Variants in PLCB1 observed in about 807,000 individuals in gnomAD.
PLCB1 encodes the protein 1-phosphatidylinositol 4,5-bisphosphate phosphodiesterase beta-1.
A neutral mutation model predicts 161.8 loss-of-function variants in PLCB1; 46 were observed. That is an observed-to-expected ratio of 0.28 (90% CI 0.22 to 0.36). The LOEUF is 0.36. Among genes scored for constraint, PLCB1 ranks in the 10% least tolerant of loss-of-function variants. PLCB1 has a pLI of 1.00. For synonymous variants in PLCB1, 517 were observed against 503.7 expected (o/e 1.03, Z -0.35); for missense variants, 1,016 against 1,472.5 (o/e 0.69, Z 5.07).
chr20:8,580,213 C>G (rs1261309821), intron 3 of PLCB1, among the ~76,000 whole-genome samples: 1 of 152,072 alleles, frequency 6.6e-6, no homozygotes, highest in Non-Finnish European at 1.5e-5. Flanking sequence ...CCCCACATGT[C>G]AAAGCATCAA....
At chr20:8,754,887 A>AC (rs1403550511) in intron 23 of PLCB1, among the ~76,000 whole-genome samples, 1 of 152,222 alleles carries the variant, frequency 6.6e-6, no homozygotes, top group Non-Finnish European at 1.5e-5. Context: ...TCCAGTTTGC[A>AC]ATGTCTTGCT....
chr20:8,733,429 A>G, intron 19 of PLCB1, 37 bp downstream of exon 19: 5 of 1,574,728 alleles, frequency 3.2e-6, no homozygotes, highest in Non-Finnish European at 4.4e-6. Context: ...TCCTAACAAT[A>G]GTGTTGAATT....
chr20:8,781,397 AACACAC>A (rs765968512), intron 27 of PLCB1, among the ~76,000 whole-genome samples: 1 of 149,540 alleles, frequency 6.7e-6, no homozygotes, highest in East Asian at 2.0e-4. Flanking sequence ...CACACACACA[AACACAC>A]ACACACACAC....
chr20:8,354,633 A>G (rs1283965555), intron 2 of PLCB1, among the ~76,000 whole-genome samples: 1 of 152,214 alleles, frequency 6.6e-6, no homozygotes, highest in Non-Finnish European at 1.5e-5. Flanking sequence ...AGGCTCTGAT[A>G]CACTTTGGCC....
chr20:8,464,858 A>C (rs1158508652), intron 3 of PLCB1, among the ~76,000 whole-genome samples: 1 of 142,758 alleles, frequency 7.0e-6, no homozygotes, highest in South Asian at 2.2e-4. Flanking sequence ...ACATCCACCC[A>C]CTCCCCTCAG....
intron 11 of PLCB1, among the ~76,000 whole-genome samples, chr20:8,702,478 AT>A (rs748360641): frequency 1.3e-5 from 2 of 152,198 alleles, no homozygotes; most frequent in African/African-American, 4.8e-5. Flanking sequence ...TAAATCCAGC[AT>A]TTCTGAAAAT....
At chr20:8,513,598 C>A (rs1322171059) in intron 3 of PLCB1, among the ~76,000 whole-genome samples, 2 of 152,168 alleles carry the variant, frequency 1.3e-5, no homozygotes, top group African/African-American at 2.4e-5. Flanking sequence ...AGAATTCTGT[C>A]CCCCCTGCCA....
chr20:8,710,916 GCCACCA>G (rs1367905796), intron 12 of PLCB1, among the ~76,000 whole-genome samples: 4 of 151,964 alleles, frequency 2.6e-5, no homozygotes, highest in Admixed American at 2.6e-4. Context: ...AATATCAACC[GCCACCA>G]CCACCACCAA....
At chr20:8,629,877 C>CTTTCTTTCTTTCTTTCTT (rs1159340046) in intron 4 of PLCB1, among the ~76,000 whole-genome samples, 2 of 64,404 alleles carry the variant, frequency 3.1e-5, no homozygotes, top group Admixed American at 2.1e-4. Flanking sequence ...TTCTTTCTTT[C>CTTTCTTTCTTTCTTTCTT]TCTCTCTCTT....
At chr20:8,385,626 G>A (rs987817823) in intron 3 of PLCB1, among the ~76,000 whole-genome samples, 2 of 152,252 alleles carry the variant, frequency 1.3e-5, no homozygotes, top group Non-Finnish European at 2.9e-5. Flanking sequence ...CTGGGGTTGG[G>A]ACCCTAGGCC....
chr20:8,147,163 G>A (rs1418787899), intron 1 of PLCB1, among the ~76,000 whole-genome samples: 1 of 152,128 alleles, frequency 6.6e-6, no homozygotes, highest in East Asian at 1.9e-4. Context: ...ATCACCATGA[G>A]CTTCTTAGAA....
intron 3 of PLCB1, among the ~76,000 whole-genome samples, chr20:8,530,277 C>G (rs1984752103): frequency 6.6e-6 from 1 of 151,964 alleles, no homozygotes; most frequent in Admixed American, 6.6e-5. Context: ...TTTTTAAATG[C>G]CTAAATTGGA....
At position 8,386,462 on chromosome 20, in the gene PLCB1, G is replaced by A. The variant is rs150498603; in HGVS notation, c.246+15012G>A. On this transcript the variant is annotated intron_variant, in intron 3 of 31. Coordinates refer to ENST00000338037, the MANE Select transcript of PLCB1 (RefSeq NM_015192.4). ...CCTTTCTCAGCATTAGGTCTCAACA[G>A]TAAGCTTAAGGTATTTAGTACACCA... Among the ~76,000 whole-genome samples the A allele has an allele frequency of 4.9e-4, 74 of 152,324 alleles. 1 individual carries two copies. In the East Asian group the frequency reaches 0.012, roughly 24 times the overall value.
intron 25 of PLCB1, among the ~76,000 whole-genome samples, 181 bp from the exon 26 acceptor site, chr20:8,764,958 A>T (rs575505549): frequency 4.6e-5 from 7 of 152,330 alleles, no homozygotes; most frequent in Admixed American, 4.6e-4. Flanking sequence ...TTAGTAACAT[A>T]GTCTCAAAGT....
intron 4 of PLCB1, among the ~76,000 whole-genome samples, chr20:8,632,057 T>G (rs1342756641): frequency 3.9e-5 from 5 of 129,546 alleles, no homozygotes; most frequent in South Asian, 5.0e-4. Context: ...TTTTTTTTTT[T>G]TTTTTTTTTT....
chr20:8,844,264 A>G (rs760855377), intron 31 of PLCB1, among the ~76,000 whole-genome samples: 32 of 152,186 alleles, frequency 2.1e-4, no homozygotes, highest in Non-Finnish European at 4.3e-4. Flanking sequence ...GTTCATCTCA[A>G]TGTCTTTGCA....
intron 2 of PLCB1, among the ~76,000 whole-genome samples, chr20:8,323,860 C>G (rs1328603012): frequency 7.6e-6 from 1 of 131,590 alleles, no homozygotes; most frequent in African/African-American, 2.8e-5. Context: ...TAGTCATTGC[C>G]AAAAAAAAAA....
chr20:8,153,341 A>G (rs2051528306), intron 2 of PLCB1, among the ~76,000 whole-genome samples: 1 of 152,174 alleles, frequency 6.6e-6, no homozygotes, highest in Non-Finnish European at 1.5e-5. Flanking sequence ...GTTTCTGAAT[A>G]TGACTATTTT....
At chr20:8,734,163 T>C (rs1307175984) in intron 19 of PLCB1, among the ~76,000 whole-genome samples, 6 of 79,806 alleles carry the variant, frequency 7.5e-5, no homozygotes, top group Non-Finnish European at 1.5e-4. Flanking sequence ...AAAAAAAAGT[T>C]TTCATAGGCC....
Sources: gnomAD v4.1 joint callset for allele counts (sites outside exome capture counted in the v4.1 genomes callset) on GRCh38, gnomAD v4.1.1 for gene constraint, MANE v1.5 for transcripts, NCBI Gene and HGNC (gene_info 2026-07-23, HGNC 2026-07-21) for gene names.